FNDC3B: variants seen among roughly 807,000 people sequenced by gnomAD.
FNDC3B encodes the protein fibronectin type III domain-containing protein 3B.
In FNDC3B, 12 loss-of-function variants were observed where a neutral mutation model predicts 151.5. The observed-to-expected ratio is 0.08, with a 90% confidence interval of 0.05 to 0.13. FNDC3B has a LOEUF of 0.13. FNDC3B is among the 10% of genes least tolerant of loss of function. The pLI, the probability that FNDC3B is intolerant of heterozygous loss-of-function variation, is 1.00. For synonymous variants in FNDC3B, 528 were observed against 549.0 expected (o/e 0.96, Z 0.54); for missense variants, 1,214 against 1,505.3 (o/e 0.81, Z 3.20).
intron 4 of FNDC3B, 43 bp downstream of exon 4, chr3:172,226,990 C>G: frequency 3.1e-6 from 4 of 1,285,326 alleles, no homozygotes; most frequent in Non-Finnish European, 4.5e-6. Flanking sequence ...TGGACACTGT[C>G]GTTGCTCCAA....
rs371966056 is a variant in FNDC3B at position 172,043,943 on chromosome 3, C to T, written c.-29+4172C>T. The stretch of plus-strand genomic sequence containing the variant: ...GAAAAAAACGATCCTCTCATACCCG[C>T]GTCCATCCGTTCATTGGACAGTTCT... On this transcript the variant is annotated intron_variant, in intron 1 of 25. Coordinates refer to ENST00000415807, the MANE Select transcript of FNDC3B (RefSeq NM_022763.4). Among the ~76,000 whole-genome samples, 171 of 152,318 alleles carry T rather than the reference C, an allele frequency of 1.1e-3. 2 individuals carry two copies. Among genetic ancestry groups the T allele is most frequent in the African/African-American group, 3.9e-3 (164 of 41,566 alleles).
At chr3:172,288,566 T>C (rs1444051496) in intron 7 of FNDC3B, among the ~76,000 whole-genome samples, 1 of 152,242 alleles carries the variant, frequency 6.6e-6, no homozygotes, top group Non-Finnish European at 1.5e-5. Flanking sequence ...TTCTGTAGCA[T>C]AAGCAGCACA....
At chr3:172,340,328 C>G (rs1733235078) in intron 16 of FNDC3B, among the ~76,000 whole-genome samples, 1 of 147,866 alleles carries the variant, frequency 6.8e-6, no homozygotes. Flanking sequence ...CTCTGTCGCC[C>G]AGGCTGGTGT....
intron 3 of FNDC3B, among the ~76,000 whole-genome samples, chr3:172,198,446 G>A (rs979563437): frequency 9.9e-5 from 15 of 152,260 alleles, no homozygotes; most frequent in Non-Finnish European, 1.6e-4. Flanking sequence ...TGATATCAAG[G>A]AGTTTACACT....
intron 6 of FNDC3B, among the ~76,000 whole-genome samples, chr3:172,275,815 G>GA (rs1729405866): frequency 6.6e-6 from 1 of 151,460 alleles, no homozygotes; most frequent in South Asian, 2.1e-4. Context: ...TGTCACTTTT[G>GA]ATTATCTGGT....
chr3:172,389,312 ATCTGTTAC>A (rs1386522458), intron 25 of FNDC3B, among the ~76,000 whole-genome samples: 1 of 152,124 alleles, frequency 6.6e-6, no homozygotes, highest in Non-Finnish European at 1.5e-5. Flanking sequence ...AAAATCCTTA[ATCTGTTAC>A]TCTAAAAAAA....
chr3:172,046,507 G>A (rs1011608180), intron 1 of FNDC3B, among the ~76,000 whole-genome samples: 1 of 151,604 alleles, frequency 6.6e-6, no homozygotes, highest in African/African-American at 2.4e-5. Flanking sequence ...TATTTTTATA[G>A]AGACAGGGTT....
chr3:172,221,758 A>T (rs1303861582), intron 3 of FNDC3B, among the ~76,000 whole-genome samples: 1 of 152,204 alleles, frequency 6.6e-6, no homozygotes, highest in Admixed American at 6.5e-5. Context: ...AAGAGTCTTG[A>T]GTCACCATGA....
Position 172,066,922 on chromosome 3 carries a change from G to C in FNDC3B, c.-29+27151G>C, listed in dbSNP as rs1211613302. 3.3e-5 allele frequency among the ~76,000 whole-genome samples: 5 copies of C among 152,168 alleles called. No individual in the cohort carries two copies. The South Asian group carries it at 8.3e-4, about 25-fold the overall frequency. Reference sequence around the variant, plus strand: ...GAAAAGTGTAAAAATTTTTGTTGCTGTTGTTCAGTAGCAGACATATACAAT... The same window carrying C: ...GAAAAGTGTAAAAATTTTTGTTGCTCTTGTTCAGTAGCAGACATATACAAT... On this transcript the variant is annotated intron_variant, in intron 1 of 25. Transcript: ENST00000415807.
rs571308777 is a variant in FNDC3B, at chr3:172,096,161, G to A, written c.-28-16291G>A. The stretch of plus-strand genomic sequence containing the variant: ...CAAAGTGCCATTGAACCTGGTTCCT[G>A]GTACATACATTCATTCTGATTATTG... On this transcript the variant is annotated intron_variant, in intron 1 of 25. Coordinates refer to ENST00000415807, the MANE Select transcript of FNDC3B (RefSeq NM_022763.4). Among the ~76,000 whole-genome samples, 8 of 152,188 alleles carry A rather than the reference G, an allele frequency of 5.3e-5. No individual in the cohort carries two copies. The East Asian group carries it at 1.2e-3, about 22-fold the overall frequency.
At chr3:172,244,305 AT>A (rs538861093) in intron 4 of FNDC3B, among the ~76,000 whole-genome samples, 21 of 151,770 alleles carry the variant, frequency 1.4e-4, no homozygotes, top group Non-Finnish European at 2.4e-4. Context: ...ATGAAGGCAT[AT>A]TTTTTTTGCC....
intron 2 of FNDC3B, among the ~76,000 whole-genome samples, chr3:172,124,653 C>T (rs1466469200): frequency 6.6e-6 from 1 of 152,242 alleles, no homozygotes; most frequent in Non-Finnish European, 1.5e-5. Context: ...TTACCTCAAA[C>T]TTAAGTGCTA....
chr3:172,108,166 T>C (rs1358854074), intron 1 of FNDC3B, among the ~76,000 whole-genome samples: 3 of 142,240 alleles, frequency 2.1e-5, no homozygotes, highest in Admixed American at 6.8e-5. Context: ...AGACTCTGTC[T>C]CAAAAAAAAG....
At position 172,197,276 on chromosome 3, in the gene FNDC3B, C is replaced by G. The variant is rs184490307; in HGVS notation, c.188-29595C>G. Among the ~76,000 whole-genome samples the G allele has an allele frequency of 3.3e-5, 5 of 152,218 alleles. No homozygotes were observed. The East Asian group carries it at 9.6e-4, about 29-fold the overall frequency. On this transcript the variant is annotated intron_variant, in intron 3 of 25. Transcript: ENST00000415807. ...CTGCAGAATTGTTACAAATACGGTGCAAAATACTTGACAGCACTTGTTAGC... is the reference window on the plus strand; with the variant it reads ...CTGCAGAATTGTTACAAATACGGTGGAAAATACTTGACAGCACTTGTTAGC...
intron 1 of FNDC3B, among the ~76,000 whole-genome samples, chr3:172,053,184 G>T (rs1036545922): frequency 6.6e-6 from 1 of 152,136 alleles, no homozygotes; most frequent in Non-Finnish European, 1.5e-5. Context: ...TTCTGTAGGT[G>T]TTTCTAGTGT....
intron 3 of FNDC3B, among the ~76,000 whole-genome samples, chr3:172,212,941 G>A (rs892072424): frequency 1.3e-5 from 2 of 152,220 alleles, no homozygotes; most frequent in African/African-American, 4.8e-5. Flanking sequence ...AATGTATCAC[G>A]AGGACAGTTG....
chr3:172,309,693 A>G (rs1475336959), intron 10 of FNDC3B, among the ~76,000 whole-genome samples: 3 of 152,134 alleles, frequency 2.0e-5, no homozygotes, highest in Admixed American at 2.0e-4. Flanking sequence ...ACTACCATTT[A>G]CTGGGCCCCT....
intron 3 of FNDC3B, among the ~76,000 whole-genome samples, chr3:172,158,349 A>T (rs1722600330): frequency 6.6e-6 from 1 of 152,170 alleles, no homozygotes; most frequent in Non-Finnish European, 1.5e-5. Context: ...CCTTGTCAGC[A>T]TTTGGTCTGA....
chr3:172,089,640 CTT>C (rs1718709942), intron 1 of FNDC3B, among the ~76,000 whole-genome samples: 1 of 152,088 alleles, frequency 6.6e-6, no homozygotes, highest in African/African-American at 2.4e-5. Flanking sequence ...ATAGCACTAT[CTT>C]AATATCTCTG....
Sources: allele counts gnomAD v4.1 joint callset (sites outside exome capture counted in the v4.1 genomes callset), GRCh38; gene constraint gnomAD v4.1.1; transcripts MANE v1.5; gene names NCBI Gene and HGNC (gene_info 2026-07-23, HGNC 2026-07-21).